Variants in NELL1 observed in about 807,000 individuals in gnomAD.
NELL1 encodes the protein neural EGFL like 1.
Under a neutral mutation model 107.4 loss-of-function variants are expected in NELL1, and 76 were observed. That is an observed-to-expected ratio of 0.71 (90% CI 0.59 to 0.86). NELL1 has a LOEUF of 0.86. NELL1 is among the 40% of genes least tolerant of loss of function. NELL1 has a pLI of 0.00. For missense variants in NELL1, 1,024 were observed against 1,005.5 expected, an observed-to-expected ratio of 1.02 and a Z score of -0.25; for synonymous variants, 353 against 341.2, an observed-to-expected ratio of 1.03 and a Z score of -0.38.
At chr11:21,174,968 C>T (rs986522751) in intron 13 of NELL1, among the ~76,000 whole-genome samples, 4 of 151,586 alleles carry the variant, frequency 2.6e-5, no homozygotes, top group Non-Finnish European at 4.4e-5. Flanking sequence ...TATGAGTAGT[C>T]GTGAATCACA....
At chr11:21,300,899 C>T (rs1237538072) in intron 14 of NELL1, among the ~76,000 whole-genome samples, 1 of 151,988 alleles carries the variant, frequency 6.6e-6, no homozygotes, top group Non-Finnish European at 1.5e-5. Flanking sequence ...CTATCCCTCT[C>T]CCCACCCCAC....
chr11:21,360,283 T>A (rs571661555), intron 14 of NELL1, among the ~76,000 whole-genome samples: 10 of 152,302 alleles, frequency 6.6e-5, no homozygotes, highest in African/African-American at 2.2e-4. Context: ...TTAATTTCTA[T>A]GTATTTGTAT....
intron 15 of NELL1, among the ~76,000 whole-genome samples, chr11:21,398,559 C>T (rs913567612): frequency 5.9e-5 from 9 of 151,436 alleles, no homozygotes; most frequent in African/African-American, 2.2e-4. Context: ...GTAGACTCTT[C>T]CCAGGCAAAA....
intron 14 of NELL1, among the ~76,000 whole-genome samples, chr11:21,261,401 T>C (rs1170923254): frequency 6.6e-6 from 1 of 151,740 alleles, no homozygotes; most frequent in Non-Finnish European, 1.5e-5. Context: ...ACATGTCCTG[T>C]TGCTTTAGTT....
intron 16 of NELL1, among the ~76,000 whole-genome samples, chr11:21,539,434 C>A (rs1181854618): frequency 1.3e-5 from 2 of 151,834 alleles, no homozygotes; most frequent in Non-Finnish European, 1.5e-5. Context: ...GTCTGGTGTC[C>A]AGGAAAAATC....
intron 15 of NELL1, among the ~76,000 whole-genome samples, chr11:21,467,048 A>T (rs1038555777): frequency 2.6e-5 from 4 of 152,118 alleles, no homozygotes; most frequent in African/African-American, 9.7e-5. Flanking sequence ...GACATGCAAC[A>T]ACTGGGATAA....
intron 12 of NELL1, among the ~76,000 whole-genome samples, chr11:21,017,407 A>G (rs902038957): frequency 1.3e-5 from 2 of 152,044 alleles, no homozygotes; most frequent in African/African-American, 4.8e-5. Flanking sequence ...ACAGCCTAGG[A>G]TTGCTGGTGG....
chr11:20,701,891 A>G (rs1438857953), intron 2 of NELL1, among the ~76,000 whole-genome samples: 2 of 152,198 alleles, frequency 1.3e-5, no homozygotes, highest in African/African-American at 2.4e-5. Context: ...TACCAGTACC[A>G]TGCTGTTTTG....
At chr11:20,975,798 A>C (rs1451330188) in intron 12 of NELL1, among the ~76,000 whole-genome samples, 1 of 134,444 alleles carries the variant, frequency 7.4e-6, no homozygotes, top group East Asian at 2.4e-4. Context: ...TATATGTATT[A>C]TATGATATAC....
intron 16 of NELL1, among the ~76,000 whole-genome samples, chr11:21,537,758 G>A (rs946819587): frequency 3.9e-5 from 6 of 152,040 alleles, no homozygotes; most frequent in African/African-American, 1.4e-4. Context: ...TGAAGGCATG[G>A]ATGTTCAAAA....
intron 14 of NELL1, among the ~76,000 whole-genome samples, chr11:21,304,896 G>A (rs935499059): frequency 2.6e-5 from 4 of 151,972 alleles, no homozygotes; most frequent in Non-Finnish European, 4.4e-5. Context: ...GAGAAGATAG[G>A]AAGTAAGGAT....
chr11:20,759,240 G>A (rs945825436), intron 2 of NELL1, among the ~76,000 whole-genome samples: 5 of 152,262 alleles, frequency 3.3e-5, no homozygotes, highest in African/African-American at 1.2e-4. Context: ...AAATTTGGGA[G>A]TATTTTGGTA....
chr11:20,906,950 C>A (rs2134140771), intron 5 of NELL1, among the ~76,000 whole-genome samples: 1 of 152,068 alleles, frequency 6.6e-6, no homozygotes, highest in South Asian at 2.1e-4. Flanking sequence ...AAGATATCAC[C>A]ACTGCTATTT....
chr11:20,925,005 A>C (rs1006591846), intron 7 of NELL1, among the ~76,000 whole-genome samples: 1 of 152,204 alleles, frequency 6.6e-6, no homozygotes, highest in African/African-American at 2.4e-5. Context: ...TGATGTTTAG[A>C]CATTGTATTA....
chr11:21,319,662 C>T (rs987375729), intron 14 of NELL1, among the ~76,000 whole-genome samples: 6 of 151,562 alleles, frequency 4.0e-5, no homozygotes, highest in South Asian at 2.1e-4. Flanking sequence ...CAAAAACAAA[C>T]TCTTGGGCTA....
chr11:21,043,016 G>GC (rs1315557561), intron 12 of NELL1, among the ~76,000 whole-genome samples: 1 of 152,090 alleles, frequency 6.6e-6, no homozygotes, highest in East Asian at 1.9e-4. Context: ...ATTGCAATAA[G>GC]CACACTGAAA....
intron 14 of NELL1, among the ~76,000 whole-genome samples, chr11:21,299,511 A>ATGTGTGTGTG (rs71063696): frequency 7.7e-4 from 105 of 136,482 alleles, no homozygotes; most frequent in East Asian, 2.0e-3. Context: ...ATTGTCTTAT[A>ATGTGTGTGTG]TGTGTGTGTG....
At chr11:21,391,298 A>G (rs545001126) in intron 15 of NELL1, among the ~76,000 whole-genome samples, 1 of 151,816 alleles carries the variant, frequency 6.6e-6, no homozygotes, top group East Asian at 2.0e-4. Context: ...CCGTTTTTTC[A>G]TCCTCAGGAA....
At chr11:21,478,903 AAAG>A (rs1854419197) in intron 15 of NELL1, among the ~76,000 whole-genome samples, 1 of 152,108 alleles carries the variant, frequency 6.6e-6, no homozygotes. Context: ...GTATTTCTCA[AAAG>A]AAGATGTACA....
Sources: allele counts gnomAD v4.1 joint callset (sites outside exome capture counted in the v4.1 genomes callset), GRCh38; gene constraint gnomAD v4.1.1; transcripts MANE v1.5; gene names NCBI Gene and HGNC (gene_info 2026-07-23, HGNC 2026-07-21).